The following CELF2 variants were observed in gnomAD, a reference collection of about 807,000 sequenced individuals.
CELF2 encodes the protein CUGBP Elav-like family member 2.
In CELF2, 8 loss-of-function variants were observed where a neutral mutation model predicts 62.6. That is an observed-to-expected ratio of 0.13 (90% CI 0.07 to 0.23). The LOEUF (loss-of-function observed/expected upper bound fraction) is 0.23, where lower values mean the gene tolerates loss of function less well. Among genes scored for constraint, CELF2 ranks in the 10% least tolerant of loss-of-function variants. The pLI, the probability that CELF2 is intolerant of heterozygous loss-of-function variation, is 1.00. For missense variants in CELF2, 333 were observed against 671.0 expected (o/e 0.50, Z 5.56); for synonymous variants, 258 against 250.0 (o/e 1.03, Z -0.30).
the CELF2 span, among the ~76,000 whole-genome samples, chr10:10,676,119 C>T: frequency 6.6e-6 from 1 of 152,072 alleles, no homozygotes; most frequent in African/African-American, 2.4e-5. Context: ...ATTCTGTGGC[C>T]TTATAATTAG....
At chr10:11,136,354 G>T (rs1227180774) in intron 1 of CELF2, among the ~76,000 whole-genome samples, 1 of 152,208 alleles carries the variant, frequency 6.6e-6, no homozygotes, top group Admixed American at 6.5e-5. Flanking sequence ...TGTAATCCCA[G>T]CACTCTGGGA....
At chr10:10,831,645 T>C (rs1260528574) in intron 1 of CELF2, among the ~76,000 whole-genome samples, 1 of 152,204 alleles carries the variant, frequency 6.6e-6, no homozygotes, top group Non-Finnish European at 1.5e-5. Context: ...GGGAGACCAG[T>C]ACAATGCCTG....
At position 11,046,450 on chromosome 10, in the gene CELF2, T is replaced by G. The variant is rs2062861078; in HGVS notation, c.74+28287T>G. Reference sequence around the variant, plus strand: ...TTCACTGCCTCTGATGACACCGAAATGAAATATAAAGGGAAGATAAAGTAT... The same window carrying G: ...TTCACTGCCTCTGATGACACCGAAAGGAAATATAAAGGGAAGATAAAGTAT... On this transcript the variant is annotated intron_variant, in intron 1 of 12. Transcript: ENST00000633077. This position sits in a 1 kb window ranked among gnomAD's most constrained non-coding sequence, Gnocchi z 4.6. Among the ~76,000 whole-genome samples the G allele has an allele frequency of 6.6e-6, 1 of 152,198 alleles. No individual in the cohort carries two copies. Among genetic ancestry groups the G allele is most frequent in the African/African-American group, 2.4e-5 (1 of 41,440 alleles).
chr10:11,113,972 T>C (rs981878664), intron 1 of CELF2, among the ~76,000 whole-genome samples: 3 of 152,188 alleles, frequency 2.0e-5, no homozygotes, highest in Non-Finnish European at 4.4e-5. Context: ...TAGCTTCCTG[T>C]AGACTAAAAA....
chr10:10,739,789 C>G, the CELF2 span, among the ~76,000 whole-genome samples: 1 of 152,168 alleles, frequency 6.6e-6, no homozygotes, highest in Non-Finnish European at 1.5e-5. Flanking sequence ...GCCACCCTAA[C>G]AGTTGTGAGG....
chr10:10,680,418 G>A, the CELF2 span, among the ~76,000 whole-genome samples: 8 of 152,154 alleles, frequency 5.3e-5, no homozygotes, highest in African/African-American at 1.9e-4. Flanking sequence ...CATGGGGCAG[G>A]ATCCAGGACA....
chr10:11,110,182 G>A lies in CELF2; in HGVS notation c.75-55304G>A, dbSNP rs2143008932. 6.6e-6 allele frequency among the ~76,000 whole-genome samples: 1 copy of A among 152,250 alleles called. No homozygotes were observed. ...GAGGGGAGAGCAGCTGCTGAGGCAG[G>A]AGGATCACTTGAGCCTGAGAGGTCA... is the stretch of plus-strand genomic sequence containing the variant. On this transcript the variant is annotated intron_variant, in intron 1 of 12. Transcript: ENST00000633077. The surrounding 1 kb of genome is among the most constrained non-coding windows in gnomAD (Gnocchi z 4.0).
At chr10:10,486,483 A>G in the CELF2 span, among the ~76,000 whole-genome samples, 1 of 152,212 alleles carries the variant, frequency 6.6e-6, no homozygotes, top group African/African-American at 2.4e-5. Context: ...CATGCTATTT[A>G]CTATTCATTA....
rs572390322 is a variant in CELF2 at position 11,147,836 on chromosome 10, C to G, written c.75-17650C>G. On this transcript the variant is annotated intron_variant, in intron 1 of 12. Coordinates refer to ENST00000633077, the MANE Select transcript of CELF2 (RefSeq NM_001326342.2). ...ACTTGCAAATCCATTTTTGTGAACA[C>G]CTGACCACAGGTCTGTAAAACTGCC... is the stretch of plus-strand genomic sequence containing the variant. Among the ~76,000 whole-genome samples, 55 of 152,276 alleles carry G rather than the reference C, an allele frequency of 3.6e-4. 1 individual carries two copies. Among genetic ancestry groups the G allele is most frequent in the South Asian group, 1.0e-3 (5 of 4,830 alleles).
rs1468518878 is a variant in CELF2, at chr10:11,306,289, TGTAAAACTTTTAA to T, written c.977-7847_977-7835del. On this transcript the variant is annotated intron_variant, in intron 9 of 12. Transcript: ENST00000633077. This position sits in a 1 kb window ranked among gnomAD's most constrained non-coding sequence, Gnocchi z 4.4. ...CTCCTGAGATGCTCCTTTGGCATTT[TGTAAAACTTTTAA>T]GTGAGAAAGCGTAGGGTACAGTTCT... is the stretch of plus-strand genomic sequence containing the variant. Among the ~76,000 whole-genome samples, 1 of 152,074 alleles carries T rather than the reference TGTAAAACTTTTAA, an allele frequency of 6.6e-6. No homozygotes were observed. Among genetic ancestry groups the T allele is most frequent in the Non-Finnish European group, 1.5e-5 (1 of 68,012 alleles).
the CELF2 span, among the ~76,000 whole-genome samples, chr10:10,554,703 T>C: frequency 1.3e-5 from 2 of 152,190 alleles, no homozygotes; most frequent in African/African-American, 4.8e-5. Context: ...TATTTGGCTT[T>C]TCAGCTCTTC....
In CELF2 at chr10:11,305,516, T is replaced by C. The variant is rs2094136202; in HGVS notation, c.977-8623T>C. On this transcript the variant is annotated intron_variant, in intron 9 of 12. Transcript: ENST00000633077. This position sits in a 1 kb window ranked among gnomAD's most constrained non-coding sequence, Gnocchi z 4.8. Reference sequence around the variant, plus strand: ...TCCCACCTGCAGTAAAATATCCGTCTGAAAGATGTCCTATTACCTGTTATT... The same window carrying C: ...TCCCACCTGCAGTAAAATATCCGTCCGAAAGATGTCCTATTACCTGTTATT... 6.6e-6 allele frequency among the ~76,000 whole-genome samples: 1 copy of C among 152,232 alleles called. No homozygotes were observed. The highest frequency in any genetic ancestry group is 1.5e-5 in the Non-Finnish European group (1 of 68,042).
chr10:11,314,681 T>C lies in CELF2; in HGVS notation c.1096+423T>C, dbSNP rs2094806020. ...CTGTGGGAAGTCAGGCAGATGCTGC[T>C]CCCTCTCTGGGCTTGGGAGTCTCCA... On this transcript the variant is annotated intron_variant, in intron 10 of 12. Coordinates refer to ENST00000633077, the MANE Select transcript of CELF2 (RefSeq NM_001326342.2). The surrounding 1 kb of genome is among the most constrained non-coding windows in gnomAD (Gnocchi z 5.3). 2 of 304,772 alleles carry C rather than the reference T, an allele frequency of 6.6e-6. 1 individual carries two copies. The highest frequency in any genetic ancestry group is 5.8e-5 in the South Asian group (2 of 34,474). 18.9% of individuals were successfully genotyped at this position (304,772 alleles called of 1,614,324 possible). A position where few individuals can be genotyped will look rare whatever the true frequency, so the allele number is the denominator to read the frequency against.
Position 11,242,098 on chromosome 10 carries a change from C to A in CELF2, c.355-7055C>A, listed in dbSNP as rs2074093250. On this transcript the variant is annotated intron_variant, in intron 3 of 12. Coordinates refer to ENST00000633077, the MANE Select transcript of CELF2 (RefSeq NM_001326342.2). This position sits in a 1 kb window ranked among gnomAD's most constrained non-coding sequence, Gnocchi z 4.8. The stretch of plus-strand genomic sequence containing the variant: ...TTCGTGAATTCACTTCTTTCCATCC[C>A]CTCTCTCTACTTTTAAATATTTTAT... 6.6e-6 allele frequency among the ~76,000 whole-genome samples: 1 copy of A among 152,016 alleles called. No homozygotes were observed. Among genetic ancestry groups the A allele is most frequent in the Admixed American group, 6.6e-5 (1 of 15,250 alleles).
Position 11,335,775 on chromosome 10 carries a change from TG to T in CELF2, c.*6723del, listed in dbSNP as rs1043093180. On this transcript the variant is annotated 3_prime_UTR_variant, in exon 13 of 13. Transcript: ENST00000633077. This position sits in a 1 kb window ranked among gnomAD's most constrained non-coding sequence, Gnocchi z 5.0. The stretch of plus-strand genomic sequence containing the variant: ...TAAATTATCATTTCCAAGGTGCAAG[TG>T]TTTATTTTTCAAATCTATAAGTACA... 3.3e-5 allele frequency: 5 copies of T among 152,062 alleles called. No homozygotes were observed. Among genetic ancestry groups the T allele is most frequent in the Admixed American group, 6.5e-5 (1 of 15,270 alleles). 9.4% of individuals were successfully genotyped at this position (152,062 alleles called of 1,614,324 possible).
intron 2 of CELF2, among the ~76,000 whole-genome samples, chr10:11,190,127 GTTAAC>G (rs2075960033): frequency 6.6e-6 from 1 of 152,166 alleles, no homozygotes; most frequent in African/African-American, 2.4e-5. Context: ...TCTACCTTGT[GTTAAC>G]TTATTTATGC....
intron 1 of CELF2, among the ~76,000 whole-genome samples, chr10:11,149,155 C>T (rs1028715135): frequency 3.3e-5 from 5 of 152,178 alleles, no homozygotes; most frequent in Admixed American, 2.6e-4. Flanking sequence ...ACTGCAACTT[C>T]CACCTCCTGT....
At chr10:10,607,081 G>A in the CELF2 span, among the ~76,000 whole-genome samples, 1 of 152,050 alleles carries the variant, frequency 6.6e-6, no homozygotes, top group East Asian at 1.9e-4. Context: ...ATATTCAAAA[G>A]CTATTTAATG....
At chr10:11,029,453 T>A (rs1271684923) in intron 1 of CELF2, among the ~76,000 whole-genome samples, 1 of 152,164 alleles carries the variant, frequency 6.6e-6, no homozygotes, top group Non-Finnish European at 1.5e-5. Context: ...TGTGAATCCA[T>A]TGTTGAGGAA....
Sources: allele counts gnomAD v4.1 joint callset (sites outside exome capture counted in the v4.1 genomes callset), GRCh38; gene constraint gnomAD v4.1.1; non-coding constraint Gnocchi (gnomAD v3.1); transcripts MANE v1.5; gene names NCBI Gene and HGNC (gene_info 2026-07-23, HGNC 2026-07-21).